Variants in NAB2 observed in about 807,000 individuals in gnomAD.
NAB2 encodes the protein NGFI-A-binding protein 2.
In NAB2, 9 loss-of-function variants were observed where a neutral mutation model predicts 44.2. The observed-to-expected ratio is 0.20, with a 90% CI of 0.12 to 0.36. The LOEUF is 0.36. Among genes scored for constraint, NAB2 ranks in the 10% least tolerant of loss-of-function variants. The pLI is 1.00. For synonymous variants in NAB2, 342 were observed against 291.0 expected, an observed-to-expected ratio of 1.18 and a Z score of -1.78; for missense variants, 514 against 709.0, an observed-to-expected ratio of 0.73 and a Z score of 3.12.
rs1277570607 is a variant in NAB2, at chr12:57,093,568, C to A, written c.1438C>A (p.Pro480Thr). The change falls in exon 6 of 7, where the codon CCC becomes ACC. Residue 480 changes from proline (P) to threonine (T), a missense_variant. Transcript: ENST00000300131. ...VSHDRVGRLS[P>T]CVPAKPPLAE... The stretch of plus-strand genomic sequence containing the variant: ...CCACGACCGCGTGGGCCGCCTCAGC[C>A]CCTGTGTGCCTGCGAAGCCACCTCT... 13 of 1,530,832 alleles carry A rather than the reference C, an allele frequency of 8.5e-6. No individual in the cohort carries two copies. The highest frequency in any genetic ancestry group is 1.4e-5 in the African/African-American group (1 of 72,534). 94.8% of individuals were successfully genotyped at this position (1,530,832 alleles called of 1,614,324 possible).
intron 6 of NAB2, 112 bp from the exon 7 acceptor site, chr12:57,094,500 A>G: frequency 1.2e-6 from 1 of 858,386 alleles, no homozygotes; most frequent in Non-Finnish European, 1.9e-6. Context: ...AATTCAATAA[A>G]CCTAAACTGA....
At chr12:57,090,577 A>G (rs2033165703) in intron 1 of NAB2, among the ~76,000 whole-genome samples, 1 of 152,264 alleles carries the variant, frequency 6.6e-6, no homozygotes, top group Admixed American at 6.5e-5. Flanking sequence ...TGGGAAAGCC[A>G]GGGAAGGTGC....
chr12:57,091,416 C>G lies in NAB2; in HGVS notation c.375C>G (p.Ile125Met), dbSNP rs766054534. The G allele has an allele frequency of 6.2e-7, 1 of 1,614,216 alleles. No homozygotes were observed. The highest frequency in any genetic ancestry group is 8.5e-7 in the Non-Finnish European group (1 of 1,180,042). ...QPVPAVPVSS[I>M]PLFKISETAG... is the part of the protein sequence containing the mutation. ...TGCCTGCTGTTCCCGTCTCCAGCAT[C>G]CCGCTCTTCAAGATCTCTGAGACTG... Residue 125 changes from isoleucine to methionine, a missense_variant, in exon 2 of 7, where the codon ATC becomes ATG. Coordinates refer to ENST00000300131, the MANE Select transcript of NAB2 (RefSeq NM_005967.4). The surrounding 1 kb of genome is among the most constrained non-coding windows in gnomAD (Gnocchi z 7.3).
intron 1 of NAB2, 55 bp downstream of exon 1, chr12:57,089,409 G>T: frequency 7.5e-7 from 1 of 1,335,812 alleles, no homozygotes. Flanking sequence ...CTGGACTTGG[G>T]AATGGGGTCC....
chr12:57,093,078 C>T lies in NAB2; in HGVS notation c.1159C>T (p.His387Tyr), dbSNP rs202106176. Residue 387 changes from histidine (H) to tyrosine (Y), a missense_variant, in exon 5 of 7, where the codon CAC becomes TAC. Coordinates refer to ENST00000300131, the MANE Select transcript of NAB2 (RefSeq NM_005967.4). ...KLKQEVGEQS[H>Y]PEIQQPPPGP... ...GCATCCACAGGTTGGAGAACAGAGT[C>T]ACCCTGAAATCCAGCAGCCTCCCCC... is the stretch of plus-strand genomic sequence containing the variant. The T allele has an allele frequency of 2.5e-5, 40 of 1,612,774 alleles. No individual in the cohort carries two copies. In the East Asian group the frequency reaches 8.7e-4, roughly 35 times the overall value.
Position 57,094,847 on chromosome 12 carries a change from C to T in NAB2, c.*126C>T. 1 of 733,034 alleles carries T rather than the reference C, an allele frequency of 1.4e-6. No homozygotes were observed. The highest frequency in any genetic ancestry group is 2.2e-6 in the Non-Finnish European group (1 of 448,110). 45.4% of individuals were successfully genotyped at this position (733,034 alleles called of 1,614,324 possible). ...CCTCTGCCCTTCTCCTGCCTCCCCA[C>T]CTGCTCCATGGGCATAAGACTGTGG... is the stretch of plus-strand genomic sequence containing the variant. On this transcript the variant is annotated 3_prime_UTR_variant, in exon 7 of 7. Coordinates refer to ENST00000300131, the MANE Select transcript of NAB2 (RefSeq NM_005967.4).
intron 5 of NAB2, 58 bp downstream of exon 5, chr12:57,093,253 G>A: frequency 1.6e-6 from 2 of 1,277,880 alleles, no homozygotes; most frequent in Middle Eastern, 2.8e-4. Flanking sequence ...AGGGGAGGGG[G>A]TTGGGGGAGG....
At chr12:57,090,468 C>T (rs945382979) in intron 1 of NAB2, among the ~76,000 whole-genome samples, 4 of 151,192 alleles carry the variant, frequency 2.6e-5, no homozygotes, top group African/African-American at 9.7e-5. Flanking sequence ...CAGAGCGAGA[C>T]TCCGTCTCAA....
At chr12:57,092,774 A>G in intron 3 of NAB2, 143 bp from the exon 4 acceptor site, 1 of 1,317,120 alleles carries the variant, frequency 7.6e-7, no homozygotes, top group South Asian at 1.3e-5. Context: ...CCCTACAACA[A>G]TAGTGCTTGA....
Position 57,092,592 on chromosome 12 carries a change from T to G in NAB2, c.1091+11T>G. ...CTTGAAGGGCTCCAGGTGAGACCCC[T>G]TCCCCAGGTCCTTCCTGGACTGGAA... On this transcript the variant is annotated intron_variant, in intron 3 of 6. Coordinates refer to ENST00000300131, the MANE Select transcript of NAB2 (RefSeq NM_005967.4). 1.2e-6 allele frequency: 2 copies of G among 1,613,812 alleles called. No individual in the cohort carries two copies. The highest frequency in any genetic ancestry group is 1.7e-6 in the Non-Finnish European group (2 of 1,179,830).
rs1318542004 is a variant in NAB2 at position 57,094,390 on chromosome 12, GAGAC to G, written c.1469-214_1469-211del. Among the ~76,000 whole-genome samples, 7 of 152,004 alleles carry G rather than the reference GAGAC, an allele frequency of 4.6e-5. No homozygotes were observed. In the East Asian group the frequency reaches 5.8e-4, roughly 13 times the overall value. ...CGAGGAGGCGGGAGAGAAAGAGAGA[GAGAC>G]AGACAGAGACAGAGCTACGCACAGC... On this transcript the variant is annotated intron_variant, in intron 6 of 6. Transcript: ENST00000300131.
rs1189918278 is a variant in NAB2, at chr12:57,091,407, C to T, written c.366C>T (p.Val122=). Residue 122 remains valine, a synonymous_variant, in exon 2 of 7, where the codon GTC becomes GTT. Transcript: ENST00000300131. This position sits in a 1 kb window ranked among gnomAD's most constrained non-coding sequence, Gnocchi z 7.3. ...LFSQPVPAVP[V]SSIPLFKISE... ...GTCAACCAGTGCCTGCTGTTCCCGT[C>T]TCCAGCATCCCGCTCTTCAAGATCT... is the stretch of plus-strand genomic sequence containing the variant. 2 of 1,614,224 alleles carry T rather than the reference C, an allele frequency of 1.2e-6. No individual in the cohort carries two copies. Among genetic ancestry groups the T allele is most frequent in the East Asian group, 2.2e-5 (1 of 44,892 alleles).
intron 6 of NAB2, among the ~76,000 whole-genome samples, chr12:57,093,945 G>GGA (rs2033263721): frequency 2.6e-5 from 4 of 152,112 alleles, no homozygotes; most frequent in African/African-American, 9.7e-5. Context: ...GGAGTTGTGG[G>GGA]TATGGGGATG....
intron 1 of NAB2, among the ~76,000 whole-genome samples, chr12:57,089,754 G>A (rs2033140106): frequency 6.6e-6 from 1 of 152,134 alleles, no homozygotes; most frequent in Middle Eastern, 3.4e-3. Context: ...GTGCCTTTGA[G>A]TTAAAGGAGC....
chr12:57,089,778 AGGG>A (rs1442141628), intron 1 of NAB2, among the ~76,000 whole-genome samples: 1 of 141,492 alleles, frequency 7.1e-6, no homozygotes, highest in African/African-American at 2.7e-5. Flanking sequence ...AGCGGGGGAA[AGGG>A]GGGGTGACGA....
chr12:57,092,139 C>G (rs2136544323), intron 2 of NAB2, 141 bp downstream of exon 2: 1 of 1,389,310 alleles, frequency 7.2e-7, no homozygotes, highest in East Asian at 2.5e-5. Context: ...CCCAACAGGC[C>G]CCTACCCCAG....
In NAB2 at chr12:57,091,630, G is replaced by A. The variant is rs1392607180; in HGVS notation, c.589G>A (p.Ala197Thr). ...GRSTPESDVG[A>T]GGEEEAGSPP... ...GAGCACTCCAGAGTCGGACGTTGGG[G>A]CAGGAGGAGAAGAGGAGGCTGGCTC... The change falls in exon 2 of 7, where the codon GCA becomes ACA. Residue 197 changes from alanine to threonine, a missense_variant. Ala to Thr is a moderately conservative substitution (Grantham distance 58). Around this residue, in one of 5 missense-constraint regions of NAB2, gnomAD observed 177 missense variants for 200.5 expected, o/e 0.88. Coordinates refer to ENST00000300131, the MANE Select transcript of NAB2 (RefSeq NM_005967.4). This position sits in a 1 kb window ranked among gnomAD's most constrained non-coding sequence, Gnocchi z 7.3. 6.2e-7 allele frequency: 1 copy of A among 1,605,590 alleles called. No individual in the cohort carries two copies. Among genetic ancestry groups the A allele is most frequent in the Admixed American group, 1.7e-5 (1 of 59,366 alleles).
chr12:57,091,180 C>G lies in NAB2; in HGVS notation c.139C>G (p.Arg47Gly). The G allele has an allele frequency of 6.5e-7, 1 of 1,545,870 alleles. No individual in the cohort carries two copies. The highest frequency in any genetic ancestry group is 8.8e-7 in the Non-Finnish European group (1 of 1,141,842). ...PRTLGELQLY[R>G]VLQRANLLSY... Reference sequence around the variant, plus strand: ...GACGCTGGGGGAGCTGCAGCTGTACCGGGTCCTGCAGCGCGCCAACCTCCT... The same window carrying G: ...GACGCTGGGGGAGCTGCAGCTGTACGGGGTCCTGCAGCGCGCCAACCTCCT... Residue 47 changes from arginine to glycine, a missense_variant, in exon 2 of 7, where the codon CGG (arginine) becomes GGG (glycine). Around this residue, in one of 5 missense-constraint regions of NAB2, gnomAD observed 34 missense variants for 130.5 expected, o/e 0.26. Coordinates refer to ENST00000300131, the MANE Select transcript of NAB2 (RefSeq NM_005967.4). This position sits in a 1 kb window ranked among gnomAD's most constrained non-coding sequence, Gnocchi z 7.3.
rs2033191882 is a variant in NAB2, at chr12:57,091,725, T to C, written c.684T>C (p.Gly228=). Residue 228 remains glycine, a synonymous_variant, in exon 2 of 7, where the codon GGT becomes GGC. Transcript: ENST00000300131. The surrounding 1 kb of genome is among the most constrained non-coding windows in gnomAD (Gnocchi z 7.3). The stretch of plus-strand genomic sequence containing the variant: ...CTGGGGCTGGGGGGCTGGCAGCAGG[T>C]GGGACTGGGGGTGGTCCAGACCGAC... ...EGTGAGGLAA[G]GTGGGPDRLE... is the part of the protein sequence containing the mutation. 18 of 1,613,712 alleles carry C rather than the reference T, an allele frequency of 1.1e-5. No individual in the cohort carries two copies. Among genetic ancestry groups the C allele is most frequent in the Non-Finnish European group, 1.5e-5 (18 of 1,179,824 alleles).
Sources: allele counts gnomAD v4.1 joint callset (sites outside exome capture counted in the v4.1 genomes callset), GRCh38; gene constraint gnomAD v4.1.1; regional missense constraint gnomAD v4.1.1; non-coding constraint Gnocchi (gnomAD v3.1); transcripts MANE v1.5; gene names NCBI Gene and HGNC (gene_info 2026-07-23, HGNC 2026-07-21).